Variants in PLPPR5 observed in about 807,000 individuals in gnomAD.
The protein encoded by PLPPR5 is phospholipid phosphatase-related protein type 5.
Under a neutral mutation model 33.9 loss-of-function variants are expected in PLPPR5, and 16 were observed. That is an observed-to-expected ratio of 0.47 (90% CI 0.32 to 0.72). PLPPR5 has a LOEUF of 0.72. Among genes scored for constraint, PLPPR5 ranks in the 30% least tolerant of loss-of-function variants. The probability of loss-of-function intolerance (pLI) is 0.03; values close to 1 mark genes in which losing one functional copy is unlikely to be tolerated. For synonymous variants in PLPPR5, 163 were observed against 150.3 expected (o/e 1.08, Z -0.62); for missense variants, 301 against 406.7 (o/e 0.74, Z 2.23).
chr1:98,954,500 T>C (rs1319424696), intron 2 of PLPPR5, among the ~76,000 whole-genome samples: 3 of 152,154 alleles, frequency 2.0e-5, no homozygotes, highest in African/African-American at 7.2e-5. Context: ...CCATAAAAGT[T>C]GTACCAGATC....
chr1:98,987,650 A>G (rs1440141364), intron 1 of PLPPR5, among the ~76,000 whole-genome samples: 1 of 151,928 alleles, frequency 6.6e-6, no homozygotes, highest in South Asian at 2.1e-4. Context: ...TCTGACAAAT[A>G]CTGTTTTCTG....
At chr1:98,917,847 TC>T (rs1476054445) in intron 4 of PLPPR5, among the ~76,000 whole-genome samples, 1 of 152,226 alleles carries the variant, frequency 6.6e-6, no homozygotes, top group Non-Finnish European at 1.5e-5. Flanking sequence ...GCAAAGATGC[TC>T]TTTTTTGCTC....
chr1:98,897,299 T>A (rs899821117), intron 5 of PLPPR5, among the ~76,000 whole-genome samples: 3 of 152,224 alleles, frequency 2.0e-5, no homozygotes, highest in Non-Finnish European at 4.4e-5. Context: ...ATTCCCATTA[T>A]CCAGCTGAAG....
At chr1:98,922,907 C>T (rs918298491) in intron 3 of PLPPR5, among the ~76,000 whole-genome samples, 1 of 152,068 alleles carries the variant, frequency 6.6e-6, no homozygotes, top group Non-Finnish European at 1.5e-5. Context: ...ATGGCATGAA[C>T]CCAGAAGGCG....
At chr1:98,909,238 T>TCCCTCCCTTCCCCTCCCTTC (rs775843986) in intron 5 of PLPPR5, among the ~76,000 whole-genome samples, 4 of 110,072 alleles carry the variant, frequency 3.6e-5, no homozygotes. Flanking sequence ...CCCTTCCCTT[T>TCCCTCCCTTCCCCTCCCTTC]CCCTCCCTTC....
At chr1:98,939,153 A>T (rs115009222) in intron 3 of PLPPR5, among the ~76,000 whole-genome samples, 1,523 of 151,768 alleles carry the variant, frequency 0.01, 23 homozygotes, top group African/African-American at 0.035. Flanking sequence ...TATATATTAA[A>T]TTTTTTAAAT....
intron 3 of PLPPR5, among the ~76,000 whole-genome samples, chr1:98,947,572 G>GAAAGTATTTTAAAGATTTAA (rs1484616710): frequency 1.3e-5 from 2 of 152,148 alleles, no homozygotes; most frequent in Non-Finnish European, 2.9e-5. Flanking sequence ...GATACAATGG[G>GAAAGTATTTTAAAGATTTAA]AAAGTATTTT....
intron 1 of PLPPR5, among the ~76,000 whole-genome samples, chr1:98,980,257 C>G (rs987021489): frequency 2.0e-5 from 3 of 152,082 alleles, no homozygotes; most frequent in African/African-American, 7.2e-5. Context: ...TCTTGCCATG[C>G]CATTAACATG....
intron 3 of PLPPR5, among the ~76,000 whole-genome samples, chr1:98,947,946 T>C (rs997730499): frequency 6.6e-6 from 1 of 152,228 alleles, no homozygotes; most frequent in South Asian, 2.1e-4. Context: ...CGTTTCAGCA[T>C]TACATTACGC....
intron 5 of PLPPR5, among the ~76,000 whole-genome samples, chr1:98,893,328 C>T (rs1032497894): frequency 1.3e-5 from 2 of 151,882 alleles, no homozygotes; most frequent in Admixed American, 6.6e-5. Flanking sequence ...AAATGTTATA[C>T]CTGCTTTATT....
chr1:98,952,518 C>T (rs1454327071), intron 3 of PLPPR5, among the ~76,000 whole-genome samples: 2 of 151,994 alleles, frequency 1.3e-5, no homozygotes, highest in East Asian at 1.9e-4. Flanking sequence ...GCTCTTGCCA[C>T]TAAGATGGTG....
At chr1:98,937,239 G>A (rs990848637) in intron 3 of PLPPR5, among the ~76,000 whole-genome samples, 10 of 152,128 alleles carry the variant, frequency 6.6e-5, no homozygotes, top group African/African-American at 2.4e-4. Flanking sequence ...TCTAAGCAGT[G>A]TCAGTGATAA....
At position 98,892,819 on chromosome 1, in the gene PLPPR5, A is replaced by G; in HGVS notation, c.*253T>C. On this transcript the variant is annotated 3_prime_UTR_variant, in exon 6 of 6. Transcript: ENST00000263177. ...AGAATTTTGTTCATTTGGTCATCAC[A>G]TTTTTGTTGAACACCTACTTTGTGC... The G allele has an allele frequency of 5.5e-6, 2 of 363,942 alleles. No homozygotes were observed. Among genetic ancestry groups the G allele is most frequent in the Non-Finnish European group, 9.8e-6 (2 of 204,052 alleles). 22.5% of individuals were successfully genotyped at this position (363,942 alleles called of 1,614,324 possible).
chr1:98,970,336 C>A (rs1434086346), intron 1 of PLPPR5, among the ~76,000 whole-genome samples: 2 of 151,966 alleles, frequency 1.3e-5, no homozygotes, highest in Admixed American at 1.3e-4. Context: ...AGCTTTCCAG[C>A]TTACTGCTCA....
chr1:98,897,833 G>A (rs1274851385), intron 5 of PLPPR5, among the ~76,000 whole-genome samples: 2 of 151,922 alleles, frequency 1.3e-5, no homozygotes, highest in Non-Finnish European at 2.9e-5. Flanking sequence ...CATACTTTTT[G>A]AATGGATTTT....
intron 3 of PLPPR5, among the ~76,000 whole-genome samples, chr1:98,934,557 TAG>T (rs1485143619): frequency 1.3e-5 from 2 of 152,094 alleles, no homozygotes; most frequent in East Asian, 3.9e-4. Flanking sequence ...GCTAGCAATA[TAG>T]AGATAGGGAA....
rs763977677 is a variant in PLPPR5 at position 98,914,911 on chromosome 1, C to T, written c.808G>A (p.Val270Met). 9 of 1,610,374 alleles carry T rather than the reference C, an allele frequency of 5.6e-6. No individual in the cohort carries two copies. Among genetic ancestry groups the T allele is most frequent in the African/African-American group, 4.0e-5 (3 of 74,816 alleles). Residue 270 changes from valine (V) to methionine (M), a missense_variant, in exon 5 of 6, where the codon GTG becomes ATG. By Grantham distance (21) the Val-to-Met change is conservative. Coordinates refer to ENST00000263177, the MANE Select transcript of PLPPR5 (RefSeq NM_001037317.2). ...TGTCTCCCTTTGAAATTATTCACCA[C>T]GCACACAACCTAAAATTTCAGAAGA... ...ISIAVFLVVC[V>M]VNNFKGRQAE...
chr1:98,977,494 T>A (rs922243379), intron 1 of PLPPR5, among the ~76,000 whole-genome samples: 1 of 150,288 alleles, frequency 6.7e-6, no homozygotes. Context: ...CTAGAATTTC[T>A]AACCTGTTTT....
chr1:98,906,401 T>A (rs1648904288), intron 5 of PLPPR5, among the ~76,000 whole-genome samples: 1 of 151,998 alleles, frequency 6.6e-6, no homozygotes, highest in Non-Finnish European at 1.5e-5. Context: ...ATGGATCTGC[T>A]CTAGGCCACA....
Sources: gnomAD v4.1 joint callset for allele counts (sites outside exome capture counted in the v4.1 genomes callset) on GRCh38, gnomAD v4.1.1 for gene constraint, MANE v1.5 for transcripts, NCBI Gene and HGNC (gene_info 2026-07-23, HGNC 2026-07-21) for gene names.